Variants in THSD4 observed in about 807,000 individuals in gnomAD.
THSD4 encodes thrombospondin type 1 domain containing 4.
A neutral mutation model predicts 119.0 loss-of-function variants in THSD4; 69 were observed. The observed-to-expected ratio is 0.58, with a 90% confidence interval of 0.48 to 0.71. The LOEUF is 0.71. Among genes scored for constraint, THSD4 ranks in the 30% least tolerant of loss-of-function variants. The pLI is 0.00. For missense variants in THSD4, 1,393 were observed against 1,391.1 expected, an observed-to-expected ratio of 1.00 and a Z score of -0.02; for synonymous variants, 524 against 540.4, an observed-to-expected ratio of 0.97 and a Z score of 0.42.
intron 7 of THSD4, among the ~76,000 whole-genome samples, chr15:71,485,281 G>A (rs2047798089): frequency 6.6e-6 from 1 of 152,146 alleles, no homozygotes; most frequent in African/African-American, 2.4e-5. Context: ...ATGAGTTCTA[G>A]GCCAAGCTCT....
chr15:71,141,208 C>A (rs930288237), intron 1 of THSD4, among the ~76,000 whole-genome samples: 1 of 152,212 alleles, frequency 6.6e-6, no homozygotes, highest in Non-Finnish European at 1.5e-5. Context: ...CTGAGGTGAT[C>A]GTTCTGATAG....
chr15:71,395,914 G>GAGAGACACAC (rs535919434), intron 6 of THSD4, among the ~76,000 whole-genome samples: 52 of 133,378 alleles, frequency 3.9e-4, no homozygotes, highest in Admixed American at 6.3e-4. Context: ...TTTGAAGAGA[G>GAGAGACACAC]ACACACACAC....
intron 7 of THSD4, among the ~76,000 whole-genome samples, chr15:71,566,671 T>G (rs1484208018): frequency 6.6e-6 from 1 of 152,134 alleles, no homozygotes; most frequent in East Asian, 1.9e-4. Flanking sequence ...ACTTGCTCAC[T>G]AGGCCTTCAA....
chr15:71,668,431 C>T (rs2051457975), intron 8 of THSD4, among the ~76,000 whole-genome samples: 1 of 151,992 alleles, frequency 6.6e-6, no homozygotes, highest in African/African-American at 2.4e-5. Context: ...GATGAAGCCC[C>T]AAGAGGCTCT....
At chr15:71,678,493 A>G (rs1317175007) in intron 8 of THSD4, among the ~76,000 whole-genome samples, 2 of 152,166 alleles carry the variant, frequency 1.3e-5, no homozygotes, top group Non-Finnish European at 2.9e-5. Flanking sequence ...TTCAGGCCTT[A>G]CTTTCCCATG....
chr15:71,579,065 G>A (rs1025094152), intron 7 of THSD4, among the ~76,000 whole-genome samples: 2 of 151,710 alleles, frequency 1.3e-5, no homozygotes, highest in Middle Eastern at 3.2e-3. Context: ...GGATAGTCTC[G>A]ATCTCCTGAC....
chr15:71,243,258 A>G (rs1596287639), intron 5 of THSD4, among the ~76,000 whole-genome samples, 162 bp downstream of exon 5: 1 of 149,182 alleles, frequency 6.7e-6, no homozygotes, highest in African/African-American at 2.5e-5. Context: ...TATTCTCCCT[A>G]CATAGTTTTC....
At chr15:71,636,970 C>T (rs982082347) in intron 7 of THSD4, among the ~76,000 whole-genome samples, 2 of 151,018 alleles carry the variant, frequency 1.3e-5, no homozygotes, top group Non-Finnish European at 3.0e-5. Flanking sequence ...CTACAGCCTC[C>T]ACCTCCCGAG....
intron 7 of THSD4, among the ~76,000 whole-genome samples, chr15:71,479,565 A>C (rs1435567478): frequency 6.6e-6 from 1 of 152,194 alleles, no homozygotes; most frequent in African/African-American, 2.4e-5. Flanking sequence ...TCTGAAACAG[A>C]GACTTTTCAT....
At chr15:71,631,848 G>A (rs1382566430) in intron 7 of THSD4, among the ~76,000 whole-genome samples, 1 of 152,156 alleles carries the variant, frequency 6.6e-6, no homozygotes, top group Non-Finnish European at 1.5e-5. Flanking sequence ...GGTGTCTCTG[G>A]GTTTCGGTTC....
intron 6 of THSD4, among the ~76,000 whole-genome samples, chr15:71,361,808 G>C (rs1441913090): frequency 6.6e-6 from 1 of 152,124 alleles, no homozygotes; most frequent in Non-Finnish European, 1.5e-5. Context: ...ATGAAATCTT[G>C]AAAACAGAAA....
At chr15:71,125,040 A>G (rs771109061) in intron 1 of THSD4, among the ~76,000 whole-genome samples, 3 of 152,076 alleles carry the variant, frequency 2.0e-5, no homozygotes, top group Non-Finnish European at 2.9e-5. Flanking sequence ...TGCAACTGCA[A>G]TCCAACCTGG....
At chr15:71,153,098 T>G (rs957336102) in intron 2 of THSD4, among the ~76,000 whole-genome samples, 3 of 152,108 alleles carry the variant, frequency 2.0e-5, no homozygotes, top group Non-Finnish European at 4.4e-5. Flanking sequence ...CCTTTAGATG[T>G]TTTTCAGAGG....
Position 71,242,658 on chromosome 15 carries a change from C to T in THSD4, c.474C>T (p.Thr158=), listed in dbSNP as rs1343615624. ...LEVTGDRRSR[T]RGTIGPGKYG... ...GTCTATCTCTCTTTAGGAGCAGGAC[C>T]CGTGGTACCATTGGCCCTGGCAAGT... Residue 158 remains threonine, a synonymous_variant, in exon 5 of 18, where the codon ACC becomes ACT. Coordinates refer to ENST00000261862, the MANE Select transcript of THSD4 (RefSeq NM_024817.3). 14 of 1,613,702 alleles carry T rather than the reference C, an allele frequency of 8.7e-6. No homozygotes were observed. Among genetic ancestry groups the T allele is most frequent in the Non-Finnish European group, 1.2e-5 (14 of 1,179,758 alleles).
At chr15:71,725,925 GC>G (rs2052826715) in intron 8 of THSD4, among the ~76,000 whole-genome samples, 1 of 152,086 alleles carries the variant, frequency 6.6e-6, no homozygotes, top group Admixed American at 6.6e-5. Context: ...GGGATTACAG[GC>G]ATGCGCCACC....
chr15:71,393,647 C>G (rs117032604), intron 6 of THSD4, among the ~76,000 whole-genome samples: 3,125 of 152,270 alleles, frequency 0.021, 41 homozygotes, highest in Non-Finnish European at 0.032. Context: ...GGGATTGTAT[C>G]TATTCATCCC....
At chr15:71,128,490 G>A (rs2040474198) in intron 1 of THSD4, among the ~76,000 whole-genome samples, 1 of 144,364 alleles carries the variant, frequency 6.9e-6, no homozygotes, top group South Asian at 2.2e-4. Context: ...TCACGCCACT[G>A]CACTCCAGCC....
At chr15:71,407,116 T>C (rs1435564710) in intron 6 of THSD4, among the ~76,000 whole-genome samples, 3 of 152,248 alleles carry the variant, frequency 2.0e-5, no homozygotes, top group Non-Finnish European at 4.4e-5. Flanking sequence ...TCCAAAATAT[T>C]AGTAGAGCTA....
At chr15:71,157,679 CTTTTTT>C (rs60477136) in intron 3 of THSD4, among the ~76,000 whole-genome samples, 4 of 51,622 alleles carry the variant, frequency 7.7e-5, no homozygotes, top group Non-Finnish European at 1.2e-4. Context: ...TATATCAACT[CTTTTTT>C]TTTTTTTTTT....
Sources: allele counts gnomAD v4.1 joint callset (sites outside exome capture counted in the v4.1 genomes callset), GRCh38; gene constraint gnomAD v4.1.1; transcripts MANE v1.5; gene names NCBI Gene and HGNC (gene_info 2026-07-23, HGNC 2026-07-21).